The following PPIG variants were observed in gnomAD, a reference collection of about 807,000 sequenced individuals.
The protein encoded by PPIG is peptidylprolyl isomerase G.
In PPIG, 26 loss-of-function variants were observed where a neutral mutation model predicts 87.9. The ratio of observed to expected loss-of-function variants is 0.30; its 90% CI spans 0.22 to 0.41. The LOEUF is 0.41. Ranked by LOEUF, PPIG falls within the 10% of genes least tolerant of loss-of-function variation. The probability of loss-of-function intolerance (pLI) is 1.00; values close to 1 mark genes in which losing one functional copy is unlikely to be tolerated. For missense variants in PPIG, 722 were observed against 879.4 expected (o/e 0.82, Z 2.26); for synonymous variants, 308 against 276.5 (o/e 1.11, Z -1.13).
At position 169,637,601 on chromosome 2, in the gene PPIG, GTTTTCC is replaced by G. The variant is rs1686218862; in HGVS notation, c.*84_*89del. On this transcript the variant is annotated 3_prime_UTR_variant, in exon 14 of 14. Transcript: ENST00000260970. Reference sequence around the variant, plus strand: ...CTTGCTAATGAATCTCCTTTATGTTGTTTTCCTTTTCATTGTTTTTGGATTGTTTTA... The same window carrying G: ...CTTGCTAATGAATCTCCTTTATGTTGTTTTCATTGTTTTTGGATTGTTTTA... 6.9e-6 allele frequency: 9 copies of G among 1,308,708 alleles called. No homozygotes were observed. In the East Asian group the frequency reaches 7.6e-5, roughly 11 times the overall value. 81.1% of individuals were successfully genotyped at this position (1,308,708 alleles called of 1,614,324 possible). A position where few individuals can be genotyped will look rare whatever the true frequency, so the allele number is the denominator to read the frequency against.
At position 169,630,774 on chromosome 2, in the gene PPIG, T is replaced by C; in HGVS notation, c.548T>C (p.Val183Ala). 6.3e-7 allele frequency: 1 copy of C among 1,588,794 alleles called. No individual in the cohort carries two copies. Among genetic ancestry groups the C allele is most frequent in the Non-Finnish European group, 8.5e-7 (1 of 1,172,810 alleles). Residue 183 changes from valine (V) to alanine (A), a missense_variant and splice_region_variant, in exon 10 of 14, where the codon GTT becomes GCT. Coordinates refer to ENST00000260970, the MANE Select transcript of PPIG (RefSeq NM_004792.3). ...CAAAACCTTTTTGTTTTTATTAAAG[T>C]TAAGAAAGAAGAAAAGAAAAGGCAT... ...SCGELIPKSK[V>A]KKEEKKRHKS...
intron 9 of PPIG, among the ~76,000 whole-genome samples, chr2:169,630,291 T>G (rs1196825113): frequency 6.6e-6 from 1 of 152,126 alleles, no homozygotes; most frequent in Non-Finnish European, 1.5e-5. Context: ...TGAGCTAAAT[T>G]TCTTAATTAT....
chr2:169,610,004 C>T (rs1472714716), intron 7 of PPIG, among the ~76,000 whole-genome samples: 1 of 152,116 alleles, frequency 6.6e-6, no homozygotes, highest in African/African-American at 2.4e-5. Flanking sequence ...TTTCCAATTC[C>T]AACTACAAAA....
chr2:169,629,963 T>C (rs1231549182), intron 9 of PPIG, among the ~76,000 whole-genome samples: 1 of 152,166 alleles, frequency 6.6e-6, no homozygotes, highest in Admixed American at 6.6e-5. Flanking sequence ...TTCTCATGTA[T>C]ATATCAATAT....
At chr2:169,623,707 T>C (rs143875318) in intron 9 of PPIG, among the ~76,000 whole-genome samples, 1,835 of 152,304 alleles carry the variant, frequency 0.012, 47 homozygotes, top group African/African-American at 0.04. Flanking sequence ...GGCACTTTTA[T>C]TGGAAAATAG....
At position 169,637,312 on chromosome 2, in the gene PPIG, A is replaced by G. The variant is rs1354272185; in HGVS notation, c.2054A>G (p.Asp685Gly). The change falls in exon 14 of 14, where the codon GAT becomes GGT. Residue 685 changes from aspartate to glycine, a missense_variant. Around this residue, in one of 4 missense-constraint regions of PPIG, gnomAD observed 476 missense variants for 483.1 expected, o/e 0.99. Transcript: ENST00000260970. ...AGCAGGGAAAAAAAGGCTGATAGAG[A>G]TCAAAGTCCCTTCTCAAAAATAAAA... is the stretch of plus-strand genomic sequence containing the variant. ...NNSREKKADR[D>G]QSPFSKIKQS... 4 of 1,606,334 alleles carry G rather than the reference A, an allele frequency of 2.5e-6. No individual in the cohort carries two copies. Among genetic ancestry groups the G allele is most frequent in the Non-Finnish European group, 1.7e-6 (2 of 1,178,352 alleles).
At chr2:169,603,834 T>A in intron 2 of PPIG, 140 bp downstream of exon 2, 1 of 577,542 alleles carries the variant, frequency 1.7e-6, no homozygotes. Flanking sequence ...CTTTTCTAAT[T>A]GCTTCACAAA....
In PPIG at chr2:169,595,676, C is replaced by G. The variant is rs868629045; in HGVS notation, c.-69-7966C>G. On this transcript the variant is annotated intron_variant, in intron 1 of 13. Coordinates refer to ENST00000260970, the MANE Select transcript of PPIG (RefSeq NM_004792.3). The stretch of plus-strand genomic sequence containing the variant: ...AACATGTGAAGTTTGTCCTTCTGTG[C>G]CTGGCTTATTTTACTTACTATAATG... 3.3e-5 allele frequency among the ~76,000 whole-genome samples: 5 copies of G among 152,120 alleles called. No homozygotes were observed. The South Asian group carries it at 8.3e-4, about 25-fold the overall frequency.
intron 1 of PPIG, among the ~76,000 whole-genome samples, chr2:169,596,799 A>G (rs1202285912): frequency 1.3e-5 from 2 of 151,982 alleles, no homozygotes; most frequent in Admixed American, 1.3e-4. Flanking sequence ...TCCCGGGTTT[A>G]AGCGATTCTC....
chr2:169,594,985 G>A (rs1684980037), intron 1 of PPIG, among the ~76,000 whole-genome samples: 1 of 152,000 alleles, frequency 6.6e-6, no homozygotes. Flanking sequence ...CTGGAGTGCA[G>A]TGGCATGATC....
chr2:169,626,898 C>CG (rs1210745945), intron 9 of PPIG, among the ~76,000 whole-genome samples: 1 of 148,012 alleles, frequency 6.8e-6, no homozygotes, highest in African/African-American at 2.5e-5. Flanking sequence ...CTAGTGGAGG[C>CG]GGGGTTTCAC....
chr2:169,625,989 T>C (rs73971660), intron 9 of PPIG, among the ~76,000 whole-genome samples: 7,186 of 152,210 alleles, frequency 0.047, 571 homozygotes, highest in African/African-American at 0.16. Context: ...CTTGCTTGCC[T>C]GCCACTCACC....
rs554713719 is a variant in PPIG, at chr2:169,632,549, G to A, written c.930-611G>A. 9.9e-5 allele frequency among the ~76,000 whole-genome samples: 15 copies of A among 151,778 alleles called. No homozygotes were observed. In the South Asian group the frequency reaches 3.1e-3, roughly 32 times the overall value. On this transcript the variant is annotated intron_variant, in intron 11 of 13. Coordinates refer to ENST00000260970, the MANE Select transcript of PPIG (RefSeq NM_004792.3). The stretch of plus-strand genomic sequence containing the variant: ...GAGGTCAGGAGATGGAGACCATCCT[G>A]GCTAACATGGTGAAACCCCATCTCT...
chr2:169,615,490 A>G (rs1041202507), intron 9 of PPIG, among the ~76,000 whole-genome samples: 1 of 152,192 alleles, frequency 6.6e-6, no homozygotes, highest in South Asian at 2.1e-4. Context: ...CTCTAATCCC[A>G]TGGGAACCAC....
intron 9 of PPIG, among the ~76,000 whole-genome samples, chr2:169,621,793 C>G (rs1405951429): frequency 6.6e-6 from 1 of 151,020 alleles, no homozygotes; most frequent in Non-Finnish European, 1.5e-5. Flanking sequence ...TCTGTTGCCT[C>G]CTTATAAAAG....
chr2:169,588,272 T>C (rs1306850495), intron 1 of PPIG, among the ~76,000 whole-genome samples: 1 of 152,226 alleles, frequency 6.6e-6, no homozygotes, highest in Admixed American at 6.5e-5. Flanking sequence ...TTGTTAATTA[T>C]TGTATACATT....
intron 1 of PPIG, among the ~76,000 whole-genome samples, chr2:169,595,947 G>A (rs1050055875): frequency 2.0e-5 from 3 of 151,778 alleles, no homozygotes; most frequent in Admixed American, 6.6e-5. Context: ...TGGGATTACA[G>A]GCGTGTGCCA....
At chr2:169,609,353 G>T (rs2105493809) in intron 7 of PPIG, among the ~76,000 whole-genome samples, 1 of 152,048 alleles carries the variant, frequency 6.6e-6, no homozygotes, top group South Asian at 2.1e-4. Flanking sequence ...GGGACTACAG[G>T]TGTGTGCCAC....
intron 1 of PPIG, among the ~76,000 whole-genome samples, chr2:169,586,185 T>C (rs979136696): frequency 2.6e-5 from 4 of 152,212 alleles, no homozygotes; most frequent in African/African-American, 9.6e-5. Flanking sequence ...TTCAGAATTA[T>C]TGATGCTCTG....
Sources: allele counts gnomAD v4.1 joint callset (sites outside exome capture counted in the v4.1 genomes callset), GRCh38; gene constraint gnomAD v4.1.1; regional missense constraint gnomAD v4.1.1; transcripts MANE v1.5; gene names NCBI Gene and HGNC (gene_info 2026-07-23, HGNC 2026-07-21).